NPNT: variants seen among roughly 807,000 people sequenced by gnomAD.
NPNT encodes nephronectin, also known as preosteoblast EGF-like repeat protein with MAM domain.
Under a neutral mutation model 68.6 loss-of-function variants are expected in NPNT, and 45 were observed. The observed-to-expected ratio is 0.66, with a 90% CI of 0.52 to 0.84. The LOEUF (loss-of-function observed/expected upper bound fraction) is 0.84, where lower values mean the gene tolerates loss of function less well. NPNT is among the 40% of genes least tolerant of loss of function. The probability of loss-of-function intolerance (pLI) is 0.00; values close to 1 mark genes in which losing one functional copy is unlikely to be tolerated. For synonymous variants in NPNT, 233 were observed against 253.3 expected, an observed-to-expected ratio of 0.92 and a Z score of 0.76; for missense variants, 672 against 714.8, an observed-to-expected ratio of 0.94 and a Z score of 0.68.
chr4:105,934,672 G>A (rs750826533), intron 3 of NPNT, among the ~76,000 whole-genome samples: 6 of 152,148 alleles, frequency 3.9e-5, no homozygotes, highest in Non-Finnish European at 8.8e-5. Flanking sequence ...TTATATGCCC[G>A]TTAATAACAG....
intron 1 of NPNT, chr4:105,895,999 C>T (rs1353619235): frequency 6.4e-6 from 3 of 467,568 alleles, no homozygotes; most frequent in Non-Finnish European, 1.1e-5. Context: ...GGGAGAGGAG[C>T]CGCTGGAGCC....
intron 2 of NPNT, among the ~76,000 whole-genome samples, chr4:105,916,265 G>A (rs1274942824): frequency 6.6e-6 from 1 of 151,742 alleles, no homozygotes; most frequent in Admixed American, 6.6e-5. Context: ...TGTCACCTAG[G>A]CTGGAGTGCA....
chr4:105,940,262 G>T, intron 6 of NPNT, 53 bp downstream of exon 6: 1 of 1,571,712 alleles, frequency 6.4e-7, no homozygotes, highest in Non-Finnish European at 8.7e-7. Flanking sequence ...GCACTGAAAG[G>T]TCTCGTAATT....
At chr4:105,959,523 C>CT (rs1014448942) in intron 10 of NPNT, among the ~76,000 whole-genome samples, 13,063 of 129,544 alleles carry the variant, frequency 0.1, 704 homozygotes, top group African/African-American at 0.17. Context: ...TTTTTCTTTT[C>CT]TTTTTTTTTT....
chr4:105,931,711 G>T (rs10014558), intron 3 of NPNT, among the ~76,000 whole-genome samples: 129,756 of 149,490 alleles, frequency 0.87, 56,927 homozygotes, highest in East Asian at 1. Flanking sequence ...ATGGTGGCAG[G>T]TGCCTGTAGT....
In NPNT at chr4:105,910,502, C is replaced by CA. The variant is rs71935556; in HGVS notation, c.172+12513dup. On this transcript the variant is annotated intron_variant, in intron 2 of 11. Transcript: ENST00000379987. ...GAATGTTTTAATGGGGTTTATACCG[C>CA]AAAAAAAAAAAATTGTATGTAAGGC... Among the ~76,000 whole-genome samples, 513 of 139,848 alleles carry CA rather than the reference C, an allele frequency of 3.7e-3. 4 individuals carry two copies. Among genetic ancestry groups the CA allele is most frequent in the East Asian group, 0.022 (107 of 4,802 alleles). 91.7% of individuals were successfully genotyped at this position (139,848 alleles called of 152,430 possible). A position where few individuals can be genotyped will look rare whatever the true frequency, so the allele number is the denominator to read the frequency against.
chr4:105,954,275 C>T (rs1443972309), intron 8 of NPNT, among the ~76,000 whole-genome samples: 1 of 152,148 alleles, frequency 6.6e-6, no homozygotes, highest in Non-Finnish European at 1.5e-5. Context: ...CCTGTACATT[C>T]CCTTTCTTTT....
chr4:105,960,062 G>T (rs1308596270), intron 10 of NPNT, among the ~76,000 whole-genome samples: 1 of 152,042 alleles, frequency 6.6e-6, no homozygotes, highest in Admixed American at 6.6e-5. Context: ...TGCCCGCCTT[G>T]GCCTCCCAAA....
rs977061133 is a variant in NPNT, at chr4:105,944,768, C to T, written c.1159+2066C>T. On this transcript the variant is annotated intron_variant, in intron 8 of 11. Transcript: ENST00000379987. ...AATTCCACTCTCATTTCATCTTCAGCGATAGCTGCTTATTAAGTCTAGCAT... is the reference window on the plus strand; with the variant it reads ...AATTCCACTCTCATTTCATCTTCAGTGATAGCTGCTTATTAAGTCTAGCAT... 7.2e-5 allele frequency among the ~76,000 whole-genome samples: 11 copies of T among 152,346 alleles called. No homozygotes were observed. The South Asian group carries it at 8.3e-4, about 11-fold the overall frequency.
At chr4:105,915,181 C>G (rs1447950893) in intron 2 of NPNT, among the ~76,000 whole-genome samples, 1 of 152,008 alleles carries the variant, frequency 6.6e-6, no homozygotes, top group South Asian at 2.1e-4. Context: ...AAGTAGCTGG[C>G]CCATTTGGAA....
intron 6 of NPNT, 71 bp from the exon 7 acceptor site, chr4:105,940,443 C>G: frequency 6.9e-7 from 1 of 1,450,396 alleles, no homozygotes; most frequent in Non-Finnish European, 9.5e-7. Flanking sequence ...ATTTTTGAAA[C>G]TGTATATATT....
At chr4:105,932,532 AATATATAC>A (rs1415820395) in intron 3 of NPNT, 2 of 820,328 alleles carry the variant, frequency 2.4e-6, no homozygotes, top group Non-Finnish European at 3.9e-6. Context: ...GTAATTGTTT[AATATATAC>A]TTGCAAAGAT....
chr4:105,900,318 A>G (rs1369819518), intron 2 of NPNT, among the ~76,000 whole-genome samples: 1 of 152,196 alleles, frequency 6.6e-6, no homozygotes. Flanking sequence ...AACTTATCCC[A>G]TAGAAGGTGT....
chr4:105,959,117 G>A lies in NPNT; in HGVS notation c.1336G>A (p.Asp446Asn). 1 of 1,606,644 alleles carries A rather than the reference G, an allele frequency of 6.2e-7. No individual in the cohort carries two copies. ...DNDLHWEPIR[D>N]PAGGQYLTVS... ...TGACTTGCACTGGGAACCAATCAGG[G>A]ACCCAGCAGGTAAAACCATTTCATT... is the stretch of plus-strand genomic sequence containing the variant. The change falls in exon 10 of 12, where the codon GAC becomes AAC. Residue 446 changes from aspartate to asparagine, a missense_variant. By Grantham distance (23) the Asp-to-Asn change is conservative. Transcript: ENST00000379987.
chr4:105,962,758 G>T (rs1197535817), intron 10 of NPNT, among the ~76,000 whole-genome samples: 1 of 152,082 alleles, frequency 6.6e-6, no homozygotes, highest in African/African-American at 2.4e-5. Flanking sequence ...AGAATATGTT[G>T]AGAGAATTAT....
intron 11 of NPNT, among the ~76,000 whole-genome samples, 191 bp downstream of exon 11, chr4:105,967,635 T>C (rs558601286): frequency 1.3e-5 from 2 of 152,222 alleles, no homozygotes; most frequent in East Asian, 1.9e-4. Context: ...TCCTTCTTCA[T>C]TGCAACCTGT....
Position 105,969,079 on chromosome 4 carries a change from C to G in NPNT, c.*89C>G. 3 of 886,630 alleles carry G rather than the reference C, an allele frequency of 3.4e-6. No individual in the cohort carries two copies. Among genetic ancestry groups the G allele is most frequent in the Middle Eastern group, 2.3e-4 (1 of 4,378 alleles). The allele number at this position is 886,630 out of a possible 1,614,324, so 54.9% of individuals were successfully genotyped here. On this transcript the variant is annotated 3_prime_UTR_variant, in exon 12 of 12. Transcript: ENST00000379987. Reference sequence around the variant, plus strand: ...TCTCCTCTTCTCCCTTTTATCAGGCCTAGGAGAAGAGTGGGTCAGTGGGTC... The same window carrying G: ...TCTCCTCTTCTCCCTTTTATCAGGCGTAGGAGAAGAGTGGGTCAGTGGGTC...
At chr4:105,936,020 C>T (rs1729465283) in intron 3 of NPNT, among the ~76,000 whole-genome samples, 2 of 152,086 alleles carry the variant, frequency 1.3e-5, no homozygotes, top group African/African-American at 2.4e-5. Context: ...CATGTGGTCA[C>T]ATTTCTTTTT....
In NPNT at chr4:105,904,891, A is replaced by G. The variant is rs188517155; in HGVS notation, c.172+6890A>G. ...TGGAGTTGATATCCAGAGACAAGAT[A>G]CAGAGATTCTGTATCTTGATTTTTA... On this transcript the variant is annotated intron_variant, in intron 2 of 11. Transcript: ENST00000379987. Among the ~76,000 whole-genome samples the G allele has an allele frequency of 2.6e-5, 4 of 152,130 alleles. No individual in the cohort carries two copies. In the East Asian group the frequency reaches 7.8e-4, roughly 29 times the overall value.
Sources: gnomAD v4.1 joint callset for allele counts (sites outside exome capture counted in the v4.1 genomes callset) on GRCh38, gnomAD v4.1.1 for gene constraint, MANE v1.5 for transcripts, NCBI Gene and HGNC (gene_info 2026-07-23, HGNC 2026-07-21) for gene names.